Variants in SLC35F3 observed in about 807,000 individuals in gnomAD.
The protein encoded by SLC35F3 is solute carrier family 35 member F3, also known as putative thiamine transporter SLC35F3.
In SLC35F3, 25 loss-of-function variants were observed where a neutral mutation model predicts 49.9. The observed-to-expected ratio is 0.50, with a 90% CI of 0.37 to 0.70. SLC35F3 has a LOEUF of 0.70. Ranked by LOEUF, SLC35F3 falls within the 30% of genes least tolerant of loss-of-function variation. SLC35F3 has a pLI of 0.00. For missense variants in SLC35F3, 525 were observed against 639.8 expected, an observed-to-expected ratio of 0.82 and a Z score of 1.94; for synonymous variants, 275 against 265.4, an observed-to-expected ratio of 1.04 and a Z score of -0.35.
intron 2 of SLC35F3, chr1:234,213,461 A>C (rs923940191): frequency 6.6e-6 from 1 of 152,418 alleles, no homozygotes; most frequent in Middle Eastern, 3.4e-3. Context: ...CAGGGATGAT[A>C]GCAGGGCACC....
At chr1:234,255,057 A>G (rs141326863) in intron 3 of SLC35F3, among the ~76,000 whole-genome samples, 68 of 152,344 alleles carry the variant, frequency 4.5e-4, no homozygotes, top group African/African-American at 1.5e-3. Context: ...TGTGAAAGAG[A>G]TTGTTAAGAA....
chr1:234,051,299 T>C lies in SLC35F3; in HGVS notation c.283+145541T>C, dbSNP rs144876940. Among the ~76,000 whole-genome samples, 344 of 152,336 alleles carry C rather than the reference T, an allele frequency of 2.3e-3. 2 individuals carry two copies. The highest frequency in any genetic ancestry group is 7.8e-3 in the African/African-American group (325 of 41,572). ...TGGAATGTTCTTCCATTTGTTTGTGTCCTCTTTTATTTCATTGAGCAGTGG... is the reference window on the plus strand; with the variant it reads ...TGGAATGTTCTTCCATTTGTTTGTGCCCTCTTTTATTTCATTGAGCAGTGG... On this transcript the variant is annotated intron_variant, in intron 2 of 7. Coordinates refer to ENST00000366618, the MANE Select transcript of SLC35F3 (RefSeq NM_173508.4).
chr1:234,106,979 A>G (rs753920871), intron 2 of SLC35F3, among the ~76,000 whole-genome samples: 5 of 152,198 alleles, frequency 3.3e-5, no homozygotes, highest in Non-Finnish European at 7.3e-5. Context: ...AATCATCTCC[A>G]TTGGCAATAT....
At chr1:234,223,732 C>A (rs1288426899) in intron 2 of SLC35F3, among the ~76,000 whole-genome samples, 3 of 152,214 alleles carry the variant, frequency 2.0e-5, no homozygotes, top group Non-Finnish European at 4.4e-5. Flanking sequence ...AAGCACAGTA[C>A]ACTCTCTACT....
intron 2 of SLC35F3, among the ~76,000 whole-genome samples, chr1:234,065,807 T>C (rs980774094): frequency 6.6e-6 from 1 of 152,232 alleles, no homozygotes; most frequent in Admixed American, 6.5e-5. Context: ...AGAACGAGTT[T>C]AGATGAGTGT....
chr1:234,188,805 C>T (rs1337169292), intron 2 of SLC35F3, among the ~76,000 whole-genome samples: 1 of 152,112 alleles, frequency 6.6e-6, no homozygotes, highest in African/African-American at 2.4e-5. Context: ...CATTTCACTC[C>T]CCTGCCACCG....
chr1:234,270,818 A>G (rs1668086510), intron 3 of SLC35F3, among the ~76,000 whole-genome samples: 1 of 152,196 alleles, frequency 6.6e-6, no homozygotes, highest in Non-Finnish European at 1.5e-5. Flanking sequence ...TGCCTGACGC[A>G]GGGCTTGTCA....
intron 3 of SLC35F3, among the ~76,000 whole-genome samples, chr1:234,268,347 C>G (rs1301001641): frequency 8.7e-5 from 5 of 57,748 alleles, no homozygotes; most frequent in Non-Finnish European, 1.9e-4. Flanking sequence ...CGCACGCACT[C>G]GGCAGGCTGT....
intron 4 of SLC35F3, among the ~76,000 whole-genome samples, chr1:234,311,571 C>T (rs969470404): frequency 1.3e-5 from 2 of 152,216 alleles, no homozygotes; most frequent in Non-Finnish European, 2.9e-5. Flanking sequence ...ACCACAAGGG[C>T]CATGGTTCCT....
At chr1:234,076,868 A>G (rs1039448106) in intron 2 of SLC35F3, among the ~76,000 whole-genome samples, 6 of 152,342 alleles carry the variant, frequency 3.9e-5, no homozygotes, top group Admixed American at 6.5e-5. Context: ...GTGTCCTGCA[A>G]TGGAAATGCA....
chr1:234,145,729 A>C (rs1374169417), intron 2 of SLC35F3, among the ~76,000 whole-genome samples: 1 of 152,208 alleles, frequency 6.6e-6, no homozygotes, highest in African/African-American at 2.4e-5. Flanking sequence ...CATGGGTTAT[A>C]TGCAAATACT....
chr1:234,006,210 G>T (rs1481649779), intron 2 of SLC35F3, among the ~76,000 whole-genome samples: 2 of 152,118 alleles, frequency 1.3e-5, no homozygotes, highest in African/African-American at 4.8e-5. Context: ...CCTTATATAT[G>T]ACTGATGGGA....
intron 2 of SLC35F3, among the ~76,000 whole-genome samples, chr1:234,164,088 C>T (rs1416460846): frequency 6.6e-6 from 1 of 151,210 alleles, no homozygotes; most frequent in Non-Finnish European, 1.5e-5. Flanking sequence ...CTCTGTCTCT[C>T]TCCCTCTCTC....
chr1:233,998,722 A>C (rs1262667398), intron 2 of SLC35F3, among the ~76,000 whole-genome samples: 1 of 152,206 alleles, frequency 6.6e-6, no homozygotes, highest in Middle Eastern at 3.4e-3. Context: ...AATTTTATCT[A>C]ATGTTGATTA....
At chr1:234,221,533 T>C (rs1667206232) in intron 2 of SLC35F3, among the ~76,000 whole-genome samples, 1 of 152,024 alleles carries the variant, frequency 6.6e-6, no homozygotes, top group Non-Finnish European at 1.5e-5. Flanking sequence ...ATCTTTGTAA[T>C]GTAGGAAGTG....
At chr1:234,293,946 A>G (rs745991183) in intron 3 of SLC35F3, among the ~76,000 whole-genome samples, 3 of 152,366 alleles carry the variant, frequency 2.0e-5, no homozygotes, top group Non-Finnish European at 4.4e-5. Flanking sequence ...CCAGGAAAAC[A>G]CAGCCTGTTC....
chr1:234,040,826 G>A (rs1442021259), intron 2 of SLC35F3, among the ~76,000 whole-genome samples: 1 of 152,162 alleles, frequency 6.6e-6, no homozygotes, highest in Non-Finnish European at 1.5e-5. Context: ...CTTTATTCTG[G>A]GATATGTCTG....
chr1:234,089,362 A>G (rs1034088451), intron 2 of SLC35F3, among the ~76,000 whole-genome samples: 4 of 152,200 alleles, frequency 2.6e-5, no homozygotes, highest in Non-Finnish European at 4.4e-5. Context: ...GAAAATGGAG[A>G]GAGAACCAAG....
chr1:234,007,817 A>T (rs1042176254), intron 2 of SLC35F3, among the ~76,000 whole-genome samples: 2 of 152,214 alleles, frequency 1.3e-5, no homozygotes, highest in African/African-American at 2.4e-5. Context: ...AGAATTGGTC[A>T]TTAAAAATTC....
Sources: allele counts gnomAD v4.1 joint callset (sites outside exome capture counted in the v4.1 genomes callset), GRCh38; gene constraint gnomAD v4.1.1; transcripts MANE v1.5; gene names NCBI Gene and HGNC (gene_info 2026-07-23, HGNC 2026-07-21).